PDPR: variants seen among roughly 807,000 people sequenced by gnomAD.
PDPR encodes pyruvate dehydrogenase phosphatase regulatory subunit, mitochondrial.
In PDPR, 50 loss-of-function variants were observed where a neutral mutation model predicts 102.2. That is an observed-to-expected ratio of 0.49 (90% CI 0.39 to 0.62). The LOEUF (loss-of-function observed/expected upper bound fraction) is 0.62, where lower values mean the gene tolerates loss of function less well. PDPR is among the 20% of genes least tolerant of loss of function. The pLI is 0.00. For missense variants in PDPR, 625 were observed against 1,098.2 expected (o/e 0.57, Z 6.09); for synonymous variants, 259 against 406.0 (o/e 0.64, Z 4.35).
chr16:70,139,157 T>G, intron 11 of PDPR, 134 bp downstream of exon 11: 1 of 1,459,770 alleles, frequency 6.9e-7, no homozygotes, highest in Non-Finnish European at 9.2e-7. Context: ...TTTGACTGTT[T>G]CAGGCCTGAG....
rs558736174 is a variant in PDPR at position 70,129,471 on chromosome 16, A to G, written c.607+349A>G. Among the ~76,000 whole-genome samples the G allele has an allele frequency of 5.3e-5, 8 of 152,380 alleles. No homozygotes were observed. In the East Asian group the frequency reaches 1.3e-3, roughly 26 times the overall value. On this transcript the variant is annotated intron_variant, in intron 6 of 18. Transcript: ENST00000288050. ...GTGATCCTCCTGCTTCAGCCTCCCG[A>G]GTAGGTGGGACTACAGGCGTGCCCC...
At chr16:70,152,234 G>A (rs1966791525) in intron 17 of PDPR, among the ~76,000 whole-genome samples, 1 of 152,236 alleles carries the variant, frequency 6.6e-6, no homozygotes, top group Non-Finnish European at 1.5e-5. Flanking sequence ...ATTTAAAGTT[G>A]TCTTCCCGGC....
Position 70,156,546 on chromosome 16 carries a change from G to A in PDPR, c.2307G>A (p.Met769Ile). 1 of 1,614,090 alleles carries A rather than the reference G, an allele frequency of 6.2e-7. No homozygotes were observed. The highest frequency in any genetic ancestry group is 1.3e-5 in the African/African-American group (1 of 75,076). Residue 769 changes from methionine to isoleucine, a missense_variant, in exon 19 of 19, where the codon ATG becomes ATA. By Grantham distance (10) the Met-to-Ile change is conservative. Coordinates refer to ENST00000288050, the MANE Select transcript of PDPR (RefSeq NM_017990.5). ...ATGGAGTGTATAAACGCCTCACCAT[G>A]TTCATCCTGGACGACCATGATTCAG... Reference protein sequence around the residue: ...KQNGVYKRLTMFILDDHDSDL... With the variant: ...KQNGVYKRLTIFILDDHDSDL...
At chr16:70,114,226 T>A (rs568370485), upstream of PDPR, 22 of 152,338 alleles carry the variant, frequency 1.4e-4, no homozygotes, top group African/African-American at 5.1e-4. Context: ...CGTGCGCTGC[T>A]GAGGTCACGC....
chr16:70,130,261 C>A (rs1320656566), intron 6 of PDPR, among the ~76,000 whole-genome samples, 162 bp from the exon 7 acceptor site: 1 of 152,284 alleles, frequency 6.6e-6, no homozygotes, highest in Non-Finnish European at 1.5e-5. Context: ...ACACTCCACC[C>A]TTGGCGACAA....
At chr16:70,150,393 C>T (rs931862225) in intron 17 of PDPR, among the ~76,000 whole-genome samples, 3 of 128,362 alleles carry the variant, frequency 2.3e-5, no homozygotes, top group East Asian at 2.2e-4. Context: ...CGTGAGCCAC[C>T]GCACCCGGGC....
intron 3 of PDPR, among the ~76,000 whole-genome samples, chr16:70,122,939 C>T (rs1157962742): frequency 2.0e-5 from 3 of 152,160 alleles, no homozygotes; most frequent in Non-Finnish European, 4.4e-5. Context: ...CTTGCTTTGT[C>T]ACCCAGGCTG....
rs749460268 is a variant in PDPR, at chr16:70,142,318, A to G, written c.1400A>G (p.Asp467Gly). ...ACCTCTCCTCTCTACGACCGGCTGG[A>G]TGCACAGGGAGCCAGGTGGATGGAG... ...LRTSPLYDRL[D>G]AQGARWMEKH... The change falls in exon 12 of 19, where the codon GAT becomes GGT. Residue 467 changes from aspartate (D) to glycine (G), a missense_variant. Coordinates refer to ENST00000288050, the MANE Select transcript of PDPR (RefSeq NM_017990.5). The G allele has an allele frequency of 6.2e-7, 1 of 1,613,986 alleles. No homozygotes were observed. Among genetic ancestry groups the G allele is most frequent in the Non-Finnish European group, 8.5e-7 (1 of 1,179,830 alleles).
chr16:70,153,657 C>CAGGAAA, intron 18 of PDPR, 84 bp downstream of exon 18: 1 of 1,376,220 alleles, frequency 7.3e-7, no homozygotes, highest in South Asian at 1.5e-5. Flanking sequence ...ACTGATGTGA[C>CAGGAAA]AGGAAAAGGG....
At chr16:70,155,802 C>CT (rs60054362) in intron 18 of PDPR, among the ~76,000 whole-genome samples, 27,482 of 138,624 alleles carry the variant, frequency 0.2, 1,379 homozygotes, top group African/African-American at 0.32. Flanking sequence ...ATAAAAAAGT[C>CT]TTTTTTTTTT....
intron 18 of PDPR, among the ~76,000 whole-genome samples, chr16:70,155,226 A>C (rs1355756007): frequency 6.6e-6 from 1 of 152,142 alleles, no homozygotes; most frequent in African/African-American, 2.4e-5. Flanking sequence ...ATTTTGGAAA[A>C]TATAAAGAAG....
At position 70,120,637 on chromosome 16, in the gene PDPR, G is replaced by A; in HGVS notation, c.145G>A (p.Gly49Arg). The A allele has an allele frequency of 6.2e-7, 1 of 1,613,900 alleles. No individual in the cohort carries two copies. Among genetic ancestry groups the A allele is most frequent in the Non-Finnish European group, 8.5e-7 (1 of 1,179,804 alleles). The change falls in exon 3 of 19, where the codon GGA becomes AGA. Residue 49 changes from glycine to arginine, a missense_variant. Transcript: ENST00000288050. ...LPTQAQVVIC[G>R]GGITGTSVAY... is the part of the protein sequence containing the mutation. The stretch of plus-strand genomic sequence containing the variant: ...CACCCAGGCACAGGTGGTCATCTGT[G>A]GAGGTGGAATCACGGGCACTTCTGT...
chr16:70,153,702 A>G (rs1445051019), intron 18 of PDPR, 129 bp downstream of exon 18: 3 of 1,009,362 alleles, frequency 3.0e-6, no homozygotes, highest in African/African-American at 1.7e-5. Context: ...AGCATCAGGT[A>G]AATGAGGACA....
intron 3 of PDPR, among the ~76,000 whole-genome samples, chr16:70,124,011 C>T (rs190306174): frequency 1.1e-4 from 17 of 151,386 alleles, no homozygotes; most frequent in Non-Finnish European, 2.2e-4. Flanking sequence ...GCCAAGATCG[C>T]ACCATTGCAC....
rs1396336866 is a variant in PDPR, at chr16:70,160,896, A to G, written c.*4017A>G. ...GCTCTGTGTCTCCTCTGGCATATGG[A>G]CACATTTCCTGGCATTTGCCTGAGT... On this transcript the variant is annotated 3_prime_UTR_variant, in exon 19 of 19. Transcript: ENST00000288050. 2.0e-5 allele frequency: 3 copies of G among 151,918 alleles called. No homozygotes were observed. Among genetic ancestry groups the G allele is most frequent in the Non-Finnish European group, 4.4e-5 (3 of 68,094 alleles). The allele number at this position is 151,918 out of a possible 1,614,324, so 9.4% of individuals were successfully genotyped here.
In PDPR at chr16:70,156,709, A is replaced by G. The variant is rs540523988; in HGVS notation, c.2470A>G (p.Thr824Ala). The G allele has an allele frequency of 5.6e-6, 9 of 1,613,982 alleles. No homozygotes were observed. The African/African-American group carries it at 1.2e-4, about 22-fold the overall frequency. Reference sequence around the variant, plus strand: ...CTTTGTGCACAATTTTTCTGAGGACACGGGGGAAGAGCAAGTGGTGACAGC... The same window carrying G: ...CTTTGTGCACAATTTTTCTGAGGACGCGGGGGAAGAGCAAGTGGTGACAGC... ...LGFVHNFSEDTGEEQVVTADF... is the reference protein window; with the variant it reads ...LGFVHNFSEDAGEEQVVTADF... Residue 824 changes from threonine to alanine, a missense_variant, in exon 19 of 19, where the codon ACG becomes GCG. By Grantham distance (58) the Thr-to-Ala change is moderately conservative. Around this residue, in one of 11 missense-constraint regions of PDPR, gnomAD observed 303 missense variants for 258.9 expected, o/e 1.17. Coordinates refer to ENST00000288050, the MANE Select transcript of PDPR (RefSeq NM_017990.5).
intron 18 of PDPR, 169 bp from the exon 19 acceptor site, chr16:70,156,306 A>G: frequency 1.3e-6 from 1 of 757,640 alleles, no homozygotes; most frequent in Non-Finnish European, 2.1e-6. Context: ...TTTCACATGC[A>G]GTTTTTCACA....
At chr16:70,152,048 G>T (rs1220570112) in intron 17 of PDPR, among the ~76,000 whole-genome samples, 3 of 152,258 alleles carry the variant, frequency 2.0e-5, no homozygotes, top group Non-Finnish European at 2.9e-5. Context: ...AAAGGACCGG[G>T]CATTGAGCTT....
At chr16:70,148,604 T>TCCCAC in intron 17 of PDPR, 51 bp downstream of exon 17, 6 of 1,483,282 alleles carry the variant, frequency 4.0e-6, no homozygotes, top group South Asian at 2.4e-5. Flanking sequence ...TCCCTTCCCT[T>TCCCAC]CCCTTCCCTT....
Sources: allele counts gnomAD v4.1 joint callset (sites outside exome capture counted in the v4.1 genomes callset), GRCh38; gene constraint gnomAD v4.1.1; regional missense constraint gnomAD v4.1.1; transcripts MANE v1.5; gene names NCBI Gene and HGNC (gene_info 2026-07-23, HGNC 2026-07-21).